UBR2: variants seen among roughly 807,000 people sequenced by gnomAD.
The protein encoded by UBR2 is ubiquitin protein ligase E3 component n-recognin 2, also known as E3 ubiquitin-protein ligase UBR2.
Under a neutral mutation model 247.9 loss-of-function variants are expected in UBR2, and 92 were observed. The ratio of observed to expected loss-of-function variants is 0.37; its 90% confidence interval spans 0.31 to 0.44. The LOEUF is 0.44. Among genes scored for constraint, UBR2 ranks in the 20% least tolerant of loss-of-function variants. The pLI, the probability that UBR2 is intolerant of heterozygous loss-of-function variation, is 1.00. For synonymous variants in UBR2, 672 were observed against 693.5 expected, an observed-to-expected ratio of 0.97 and a Z score of 0.49; for missense variants, 1,613 against 2,112.6, an observed-to-expected ratio of 0.76 and a Z score of 4.64.
At chr6:42,565,801 C>T (rs753104286) in intron 1 of UBR2, among the ~76,000 whole-genome samples, 9 of 152,030 alleles carry the variant, frequency 5.9e-5, no homozygotes, top group Non-Finnish European at 1.2e-4. Flanking sequence ...CTCAGGTGAT[C>T]CACCTGTTTG....
Position 42,637,090 on chromosome 6 carries a change from A to G in UBR2, c.1754A>G (p.Gln585Arg). The G allele has an allele frequency of 5.6e-6, 9 of 1,614,202 alleles. No homozygotes were observed. The highest frequency in any genetic ancestry group is 7.6e-6 in the Non-Finnish European group (9 of 1,180,020). Residue 585 changes from glutamine to arginine, a missense_variant, in exon 15 of 47, where the codon CAG becomes CGG. Around this residue, in one of 3 missense-constraint regions of UBR2, gnomAD observed 1,524 missense variants for 1,967.3 expected, o/e 0.77. Coordinates refer to ENST00000372901, the MANE Select transcript of UBR2 (RefSeq NM_001363705.2). ...CATGGTGGTTATACTGATGGTGAAC[A>G]GCCAATCACACTAAGCATTTGTGGA... The part of the protein sequence containing the change: ...QCHGGYTDGE[Q>R]PITLSICGHS...
At chr6:42,655,835 C>A in intron 26 of UBR2, 112 bp downstream of exon 26, 1 of 614,902 alleles carries the variant, frequency 1.6e-6, no homozygotes, top group Non-Finnish European at 2.6e-6. Context: ...ATATTTAATC[C>A]AAACATTTGA....
Position 42,601,471 on chromosome 6 carries a change from C to T in UBR2, c.532-2117C>T, listed in dbSNP as rs569886860. Among the ~76,000 whole-genome samples, 62 of 152,212 alleles carry T rather than the reference C, an allele frequency of 4.1e-4. 1 individual carries two copies. In the South Asian group the frequency reaches 0.012, roughly 31 times the overall value. On this transcript the variant is annotated intron_variant, in intron 4 of 46. Coordinates refer to ENST00000372901, the MANE Select transcript of UBR2 (RefSeq NM_001363705.2). The stretch of plus-strand genomic sequence containing the variant: ...TGGGAGGCCAAGGCAGGTGGATCAC[C>T]TGAAGTCAGGGGTTTGAGACCAGCC...
At chr6:42,597,267 A>C (rs1464490030) in intron 4 of UBR2, among the ~76,000 whole-genome samples, 1 of 152,074 alleles carries the variant, frequency 6.6e-6, no homozygotes, top group Non-Finnish European at 1.5e-5. Context: ...ACAAAGAATA[A>C]AGCCTTCCAA....
chr6:42,592,207 T>G lies in UBR2; in HGVS notation c.395T>G (p.Ile132Ser), dbSNP rs1255562398. ...TGCATGGAGTGCTTTTTGGGAAGTA[T>G]TCACAGAGATCATCGATATAGGGTT... ...VLCMECFLGS[I>S]HRDHRYRMTT... The change falls in exon 3 of 47, where the codon ATT becomes AGT. Residue 132 changes from isoleucine to serine, a missense_variant. Ile to Ser is a moderately radical substitution (Grantham distance 142). This residue lies in a region of UBR2 where 1,524 missense variants were observed against 1,967.3 expected (regional missense o/e 0.77). Transcript: ENST00000372901. 3.1e-6 allele frequency: 5 copies of G among 1,597,116 alleles called. No homozygotes were observed. The highest frequency in any genetic ancestry group is 4.3e-6 in the Non-Finnish European group (5 of 1,175,222).
At chr6:42,612,610 T>G (rs1031882229) in intron 8 of UBR2, among the ~76,000 whole-genome samples, 4 of 152,212 alleles carry the variant, frequency 2.6e-5, no homozygotes, top group African/African-American at 9.7e-5. Flanking sequence ...TTTTAAACTT[T>G]TTTTAGTGGA....
chr6:42,624,884 A>G (rs1199824112), intron 11 of UBR2, among the ~76,000 whole-genome samples: 3 of 152,210 alleles, frequency 2.0e-5, no homozygotes, highest in Non-Finnish European at 4.4e-5. Context: ...TTTAACTTAC[A>G]TCTTAGCATA....
chr6:42,566,342 G>T lies in UBR2; in HGVS notation c.78+1945G>T, dbSNP rs1220867467. ...AAAATTATTAATTTGGACTTCATTT[G>T]AGTTTGTGAAGATCATAATCTGAGC... On this transcript the variant is annotated intron_variant, in intron 1 of 46. Coordinates refer to ENST00000372901, the MANE Select transcript of UBR2 (RefSeq NM_001363705.2). 1.3e-5 allele frequency among the ~76,000 whole-genome samples: 2 copies of T among 152,134 alleles called. 1 individual carries two copies. Among genetic ancestry groups the T allele is most frequent in the Admixed American group, 1.3e-4 (2 of 15,260 alleles).
At chr6:42,666,131 C>A in intron 33 of UBR2, 36 bp from the exon 34 acceptor site, 1 of 1,537,546 alleles carries the variant, frequency 6.5e-7, no homozygotes, top group Non-Finnish European at 8.9e-7. Flanking sequence ...ATATTGTCAT[C>A]TATTGAATAA....
chr6:42,599,065 G>C (rs1793182838), intron 4 of UBR2, among the ~76,000 whole-genome samples: 3 of 152,120 alleles, frequency 2.0e-5, no homozygotes. Context: ...CTGGGATGTA[G>C]ATGTATTCTT....
intron 37 of UBR2, 93 bp from the exon 38 acceptor site, chr6:42,674,033 T>G (rs1253955008): frequency 6.5e-6 from 9 of 1,380,080 alleles, no homozygotes; most frequent in Non-Finnish European, 9.0e-6. Context: ...AATTCTCATG[T>G]GTCTTGCAAG....
intron 7 of UBR2, among the ~76,000 whole-genome samples, chr6:42,610,725 C>T (rs1179272853): frequency 1.3e-5 from 2 of 151,926 alleles, no homozygotes; most frequent in Non-Finnish European, 2.9e-5. Context: ...GGTATTATGG[C>T]GAGTTTCACT....
intron 28 of UBR2, 90 bp downstream of exon 28, chr6:42,658,410 ACTCACAAC>A: frequency 3.0e-6 from 2 of 666,910 alleles, no homozygotes; most frequent in Non-Finnish European, 4.2e-6. Context: ...GTTGCCAGTT[ACTCACAAC>A]ATTTAAATTC....
intron 1 of UBR2, among the ~76,000 whole-genome samples, chr6:42,567,966 G>C (rs550795204): frequency 2.0e-5 from 3 of 152,306 alleles, no homozygotes; most frequent in African/African-American, 7.2e-5. Flanking sequence ...AGGATCGCTT[G>C]AGCCCAGGTG....
chr6:42,635,597 A>G (rs1796042721), intron 14 of UBR2, 51 bp downstream of exon 14: 2 of 1,562,662 alleles, frequency 1.3e-6, no homozygotes, highest in Admixed American at 1.7e-5. Context: ...AGAGGGAGGA[A>G]TAAGCAGAAT....
At chr6:42,583,870 G>T (rs528541076) in intron 2 of UBR2, among the ~76,000 whole-genome samples, 1 of 152,032 alleles carries the variant, frequency 6.6e-6, no homozygotes, top group African/African-American at 2.4e-5. Context: ...TAGACTTTAT[G>T]TCTGGGCCTA....
intron 2 of UBR2, among the ~76,000 whole-genome samples, chr6:42,588,145 G>C (rs1792413979): frequency 6.6e-6 from 1 of 152,166 alleles, no homozygotes; most frequent in Admixed American, 6.5e-5. Flanking sequence ...TGATTGACTG[G>C]CTATATATTG....
chr6:42,689,233 A>T lies in UBR2; in HGVS notation c.5025-336A>T, dbSNP rs1799614461. Among the ~76,000 whole-genome samples, 1 of 152,132 alleles carries T rather than the reference A, an allele frequency of 6.6e-6. No homozygotes were observed. The highest frequency in any genetic ancestry group is 6.5e-5 in the Admixed American group (1 of 15,282). ...GGGTTTGAAGCAGAGGCATGACATG[A>T]GTGTGGGCTCCTCTGGAGCATAGGT... On this transcript the variant is annotated intron_variant, in intron 45 of 46. Coordinates refer to ENST00000372901, the MANE Select transcript of UBR2 (RefSeq NM_001363705.2). The surrounding 1 kb of genome is among the most constrained non-coding windows in gnomAD (Gnocchi z 4.0).
intron 22 of UBR2, 89 bp downstream of exon 22, chr6:42,648,259 A>G (rs1218787145): frequency 9.6e-7 from 1 of 1,042,058 alleles, no homozygotes; most frequent in Non-Finnish European, 1.5e-6. Context: ...GCAACTGAGA[A>G]TGAAGTTGCA....
Sources: allele counts gnomAD v4.1 joint callset (sites outside exome capture counted in the v4.1 genomes callset), GRCh38; gene constraint gnomAD v4.1.1; regional missense constraint gnomAD v4.1.1; non-coding constraint Gnocchi (gnomAD v3.1); transcripts MANE v1.5; gene names NCBI Gene and HGNC (gene_info 2026-07-23, HGNC 2026-07-21).